Variants in METTL15 observed in about 807,000 individuals in gnomAD.
METTL15 encodes 12S rRNA N(4)-cytidine methyltransferase METTL15.
Under a neutral mutation model 38.3 loss-of-function variants are expected in METTL15, and 34 were observed. That is an observed-to-expected ratio of 0.89 (90% CI 0.68 to 1.18). METTL15 has a LOEUF of 1.18. Ranked by LOEUF, METTL15 falls within the 50% of genes most tolerant of loss-of-function variation. The pLI is 0.00. For missense variants in METTL15, 438 were observed against 498.4 expected (o/e 0.88, Z 1.15); for synonymous variants, 162 against 170.9 (o/e 0.95, Z 0.41).
At chr11:28,359,644 C>T (rs759741005) in intron 4 of METTL15, among the ~76,000 whole-genome samples, 2 of 151,874 alleles carry the variant, frequency 1.3e-5, no homozygotes, top group African/African-American at 2.4e-5. Flanking sequence ...TATCTTATGG[C>T]GGTTTATATT....
chr11:28,480,276 T>C (rs1851384203), intron 6 of METTL15, among the ~76,000 whole-genome samples: 1 of 152,162 alleles, frequency 6.6e-6, no homozygotes, highest in South Asian at 2.1e-4. Flanking sequence ...TTGTAAATAC[T>C]CCCACTGTGA....
chr11:28,387,939 G>T (rs1850457402), intron 5 of METTL15, among the ~76,000 whole-genome samples: 1 of 151,976 alleles, frequency 6.6e-6, no homozygotes, highest in Non-Finnish European at 1.5e-5. Flanking sequence ...ACAGAATGAA[G>T]GACAAAATTT....
chr11:28,311,126 A>G (rs563309225), intron 6 of METTL15, among the ~76,000 whole-genome samples: 11 of 152,230 alleles, frequency 7.2e-5, no homozygotes, highest in African/African-American at 2.6e-4. Context: ...GCAATGTGGC[A>G]TGGCAGGCTT....
intron 5 of METTL15, among the ~76,000 whole-genome samples, chr11:28,396,243 G>C (rs917234237): frequency 1.3e-5 from 2 of 152,096 alleles, no homozygotes; most frequent in African/African-American, 4.8e-5. Context: ...GTTCTGACCA[G>C]GGCAATCAGG....
chr11:28,142,137 T>C (rs1230102203), intron 3 of METTL15, among the ~76,000 whole-genome samples: 1 of 152,206 alleles, frequency 6.6e-6, no homozygotes, highest in Admixed American at 6.5e-5. Context: ...ACAAATTTAG[T>C]TTAAAGATGT....
At chr11:28,218,354 G>GC (rs1853008288) in intron 4 of METTL15, among the ~76,000 whole-genome samples, 1 of 151,964 alleles carries the variant, frequency 6.6e-6, no homozygotes, top group Non-Finnish European at 1.5e-5. Flanking sequence ...ATTTGGCTCT[G>GC]TGTTTGTCTG....
At chr11:28,120,490 A>G (rs1191390865) in intron 3 of METTL15, among the ~76,000 whole-genome samples, 1 of 152,006 alleles carries the variant, frequency 6.6e-6, no homozygotes, top group Non-Finnish European at 1.5e-5. Context: ...GTAAAGGTTT[A>G]ACACCTGGCT....
chr11:28,470,438 G>C (rs1255135364), intron 6 of METTL15, among the ~76,000 whole-genome samples: 2 of 152,118 alleles, frequency 1.3e-5, no homozygotes, highest in Admixed American at 1.3e-4. Flanking sequence ...TGCCCTTAAA[G>C]AGAAGAAACA....
intron 4 of METTL15, among the ~76,000 whole-genome samples, chr11:28,274,206 TAAAA>T (rs1462554942): frequency 6.6e-6 from 1 of 151,942 alleles, no homozygotes; most frequent in African/African-American, 2.4e-5. Context: ...TTACTGAACT[TAAAA>T]AAAGAAATGA....
intron 3 of METTL15, among the ~76,000 whole-genome samples, chr11:28,146,009 T>A (rs2133674920): frequency 6.6e-6 from 1 of 152,242 alleles, no homozygotes. Context: ...TGAAGTTCAT[T>A]GAACACTTTA....
intron 4 of METTL15, among the ~76,000 whole-genome samples, chr11:28,215,585 A>G (rs972114979): frequency 6.6e-6 from 1 of 152,192 alleles, no homozygotes; most frequent in Non-Finnish European, 1.5e-5. Flanking sequence ...TATTCTATTC[A>G]CAACAGCTCC....
intron 3 of METTL15, among the ~76,000 whole-genome samples, chr11:28,135,191 G>A (rs1849475322): frequency 6.6e-6 from 1 of 152,098 alleles, no homozygotes; most frequent in African/African-American, 2.4e-5. Flanking sequence ...CCTCATTTTT[G>A]TGAAAAACAA....
At position 28,330,821 on chromosome 11, in the gene METTL15, A is replaced by T. The variant is rs1396592586; in HGVS notation, c.1204A>T (p.Arg402Ter). The change falls in exon 7 of 7, where the codon AGA (arginine) becomes TGA (stop). Residue 402 changes from arginine to a stop codon, truncating the protein, a stop_gained. Coordinates refer to ENST00000407364, the MANE Select transcript of METTL15 (RefSeq NM_001113528.2). LOFTEE classifies it high-confidence loss of function. ...DNPRGRSAKL[R>*]AAIKL ...CCCCAGAGGGCGCTCAGCCAAGCTT[A>T]GAGCAGCTATCAAATTATAAGTTAT... The T allele has an allele frequency of 3.2e-6, 5 of 1,538,758 alleles. No homozygotes were observed. Among genetic ancestry groups the T allele is most frequent in the Admixed American group, 2.1e-5 (1 of 47,300 alleles).
At chr11:28,526,091 C>T (rs1237619951) in intron 6 of METTL15, among the ~76,000 whole-genome samples, 5 of 152,228 alleles carry the variant, frequency 3.3e-5, no homozygotes, top group African/African-American at 7.2e-5. Context: ...TGGGGCCTGC[C>T]AAGCCCATGC....
At chr11:28,241,478 G>A (rs1854293968) in intron 4 of METTL15, among the ~76,000 whole-genome samples, 2 of 151,508 alleles carry the variant, frequency 1.3e-5, no homozygotes, top group Admixed American at 1.3e-4. Flanking sequence ...AGCTTGCAGT[G>A]AGCAGAGATT....
At chr11:28,212,956 ATTTT>A (rs764844846) in intron 4 of METTL15, among the ~76,000 whole-genome samples, 1 of 151,376 alleles carries the variant, frequency 6.6e-6, no homozygotes, top group Non-Finnish European at 1.5e-5. Context: ...ACCATGTGTA[ATTTT>A]TTTTTAACCT....
At position 28,459,664 on chromosome 11, in the gene METTL15, G is replaced by C. The variant is rs1851198418; in HGVS notation, c.*424+35300G>C. Reference sequence around the variant, plus strand: ...CTAAAGAGAAAAGCTCTTTAAAGCTGTTGGAATCTGGGCTGAAAAAACCAA... The same window carrying C: ...CTAAAGAGAAAAGCTCTTTAAAGCTCTTGGAATCTGGGCTGAAAAAACCAA... On this transcript the variant is annotated intron_variant and NMD_transcript_variant, in intron 6 of 7. Coordinates refer to the METTL15 transcript ENST00000532947. Among the ~76,000 whole-genome samples, 4 of 152,166 alleles carry C rather than the reference G, an allele frequency of 2.6e-5. No individual in the cohort carries two copies. In the South Asian group the frequency reaches 8.3e-4, roughly 31 times the overall value.
intron 5 of METTL15, among the ~76,000 whole-genome samples, chr11:28,392,561 A>G (rs757956697): frequency 6.6e-6 from 1 of 152,116 alleles, no homozygotes; most frequent in Non-Finnish European, 1.5e-5. Flanking sequence ...ATGCCAGAAG[A>G]AAATATAGGG....
intron 5 of METTL15, among the ~76,000 whole-genome samples, chr11:28,377,301 C>G (rs556697595): frequency 1.5e-3 from 232 of 151,956 alleles, no homozygotes; most frequent in Non-Finnish European, 1.9e-3. Context: ...GTACACCAAT[C>G]AGACATAGAT....
Sources: allele counts gnomAD v4.1 joint callset (sites outside exome capture counted in the v4.1 genomes callset), GRCh38; gene constraint gnomAD v4.1.1; transcripts MANE v1.5; gene names NCBI Gene and HGNC (gene_info 2026-07-23, HGNC 2026-07-21).